PHPT1: variants seen among roughly 807,000 people sequenced by gnomAD.
The protein encoded by PHPT1 is phosphohistidine phosphatase 1, also known as 14 kDa phosphohistidine phosphatase.
PHPT1 carries 16 observed loss-of-function variants against 15.6 expected under a neutral mutation model. That is an observed-to-expected ratio of 1.03 (90% CI 0.70 to 1.56). The LOEUF (loss-of-function observed/expected upper bound fraction) is 1.56. Ranked by LOEUF, PHPT1 falls within the 40% of genes most tolerant of loss-of-function variation. The pLI is 0.00. For synonymous variants in PHPT1, 102 were observed against 68.1 expected (o/e 1.50, Z -2.45); for missense variants, 228 against 171.0 (o/e 1.33, Z -1.86).
In PHPT1 at chr9:136,850,152, C is replaced by G. The variant is rs768937037; in HGVS notation, c.285+15C>G. 4 of 1,612,868 alleles carry G rather than the reference C, an allele frequency of 2.5e-6. No homozygotes were observed. Among genetic ancestry groups the G allele is most frequent in the Non-Finnish European group, 3.4e-6 (4 of 1,179,830 alleles). ...GCTATTCCATGGTGAGCCGCAGCCCCGTCCCGCCCTGCCGGAGGCCCCAGT... is the reference window on the plus strand; with the variant it reads ...GCTATTCCATGGTGAGCCGCAGCCCGGTCCCGCCCTGCCGGAGGCCCCAGT... On this transcript the variant is annotated intron_variant, in intron 2 of 2. Transcript: ENST00000247665.
chr9:136,850,512 C>G lies in PHPT1; in HGVS notation c.286-243C>G, dbSNP rs1358207867. ...TCACAAAAACCACCAGCAGATGAGA[C>G]CCACGTGCGTCCCTCTGGGCGCCTC... On this transcript the variant is annotated intron_variant, in intron 2 of 2. Coordinates refer to ENST00000247665, the MANE Select transcript of PHPT1 (RefSeq NM_014172.6). The G allele has an allele frequency of 1.9e-6, 3 of 1,611,898 alleles. No homozygotes were observed. The South Asian group carries it at 3.3e-5, about 18-fold the overall frequency.
chr9:136,850,180 C>T lies in PHPT1; in HGVS notation c.285+43C>T. On this transcript the variant is annotated intron_variant, in intron 2 of 2. Coordinates refer to ENST00000247665, the MANE Select transcript of PHPT1 (RefSeq NM_014172.6). Reference sequence around the variant, plus strand: ...CCCGCCCTGCCGGAGGCCCCAGTACCAGCTTCGAGGCCCACCTGAGCCTGC... The same window carrying T: ...CCCGCCCTGCCGGAGGCCCCAGTACTAGCTTCGAGGCCCACCTGAGCCTGC... 3 of 1,611,908 alleles carry T rather than the reference C, an allele frequency of 1.9e-6. No individual in the cohort carries two copies. In the South Asian group the frequency reaches 3.3e-5, roughly 18 times the overall value.
chr9:136,850,490 C>G (rs1848885398), intron 2 of PHPT1: 1 of 1,610,228 alleles, frequency 6.2e-7, no homozygotes, highest in Non-Finnish European at 8.5e-7. Context: ...GTGCTCTTCA[C>G]AAAAACCACC....
intron 2 of PHPT1, 39 bp from the exon 3 acceptor site, chr9:136,850,716 G>A (rs754276559): frequency 2.6e-6 from 4 of 1,563,192 alleles, no homozygotes; most frequent in South Asian, 1.1e-5. Flanking sequence ...TCGGGTTGAA[G>A]GGTCCAGGTA....
chr9:136,850,096 CAG>C lies in PHPT1; in HGVS notation c.247_248del (p.Gln84GlyfsTer23), dbSNP rs749387376. 1.5e-4 allele frequency: 249 copies of C among 1,613,116 alleles called. 1 individual carries two copies. Among genetic ancestry groups the C allele is most frequent in the Admixed American group, 3.7e-4 (22 of 59,994 alleles). ...ECLGGGRISHQSQDKKIHVYG... is the reference protein window; with the variant it reads ...ECLGGGRISHXSQDKKIHVYG... ...TCTGGGCGGCGGGCGCATCTCCCAC[CAG>C]AGTCAGGACAAGAAGATTCACGTGT... On this transcript the variant is annotated frameshift_variant, in exon 2 of 3. Transcript: ENST00000247665. LOFTEE classifies it high-confidence loss of function.
At chr9:136,850,331 G>A (rs563299177) in intron 2 of PHPT1, 194 bp downstream of exon 2, 9 of 852,372 alleles carry the variant, frequency 1.1e-5, no homozygotes, top group East Asian at 2.7e-5. Context: ...CGCCAGACCT[G>A]AGGGGTGGGA....
Position 136,850,909 on chromosome 9 carries a change from C to A in PHPT1, c.*62C>A. 1 of 1,266,790 alleles carries A rather than the reference C, an allele frequency of 7.9e-7. No individual in the cohort carries two copies. Among genetic ancestry groups the A allele is most frequent in the Non-Finnish European group, 1.2e-6 (1 of 865,024 alleles). The allele number at this position is 1,266,790 out of a possible 1,614,324, so 78.5% of individuals were successfully genotyped here. ...ACTTCAGAGCCCCCGCCTTTGCCTG[C>A]ACTCCTCTTGCAGGGCTGGCCCTGC... is the stretch of plus-strand genomic sequence containing the variant. On this transcript the variant is annotated 3_prime_UTR_variant, in exon 3 of 3. Coordinates refer to ENST00000247665, the MANE Select transcript of PHPT1 (RefSeq NM_014172.6).
At chr9:136,850,649 T>C in intron 2 of PHPT1, 106 bp from the exon 3 acceptor site, 1 of 1,498,532 alleles carries the variant, frequency 6.7e-7, no homozygotes, top group Non-Finnish European at 9.3e-7. Flanking sequence ...GCACTGCCTA[T>C]CCCTTTCCCA....
At position 136,849,480 on chromosome 9, in the gene PHPT1, A is replaced by T; in HGVS notation, c.50A>T (p.Asp17Val). 1 of 1,611,150 alleles carries T rather than the reference A, an allele frequency of 6.2e-7. No homozygotes were observed. The change falls in exon 1 of 3, where the codon GAC becomes GTC. Residue 17 changes from aspartate to valine, a missense_variant. Physicochemically the swap from Asp to Val is radical, Grantham distance 152 (BLOSUM62 -3). Coordinates refer to ENST00000247665, the MANE Select transcript of PHPT1 (RefSeq NM_014172.6). ...ATTCCTGATGTGGACATCGACTCCG[A>T]CGGCGTCTTCAAGTATGTGCTGATC... Reference protein sequence around the residue: ...ALIPDVDIDSDGVFKYVLIRV... With the variant: ...ALIPDVDIDSVGVFKYVLIRV...
At chr9:136,850,488 C>T (rs1848885337) in intron 2 of PHPT1, 1 of 1,609,410 alleles carries the variant, frequency 6.2e-7, no homozygotes, top group African/African-American at 1.3e-5. Flanking sequence ...CTGTGCTCTT[C>T]ACAAAAACCA....
In PHPT1 at chr9:136,850,144, C is replaced by T. The variant is rs370583033; in HGVS notation, c.285+7C>T. On this transcript the variant is annotated splice_region_variant and intron_variant, in intron 2 of 2. Transcript: ENST00000247665. ...CGTGTACGGCTATTCCATGGTGAGC[C>T]GCAGCCCCGTCCCGCCCTGCCGGAG... 14 of 1,612,846 alleles carry T rather than the reference C, an allele frequency of 8.7e-6. No individual in the cohort carries two copies. The highest frequency in any genetic ancestry group is 5.3e-5 in the African/African-American group (4 of 74,924).
At chr9:136,849,733 G>T (rs1453696770) in intron 1 of PHPT1, 143 bp downstream of exon 1, 2 of 843,738 alleles carry the variant, frequency 2.4e-6, no homozygotes, top group Non-Finnish European at 3.4e-6. Flanking sequence ...ACTGCGCTCT[G>T]CTCCGAGTCC....
chr9:136,849,894 C>T (rs1048011002), intron 1 of PHPT1, 119 bp from the exon 2 acceptor site: 11 of 1,081,842 alleles, frequency 1.0e-5, no homozygotes, highest in South Asian at 5.9e-5. Flanking sequence ...CAAGGGGCTT[C>T]GTCTCTCCTG....
intron 2 of PHPT1, 68 bp downstream of exon 2, chr9:136,850,205 C>G: frequency 6.2e-7 from 1 of 1,600,014 alleles, no homozygotes; most frequent in Non-Finnish European, 8.5e-7. Flanking sequence ...CCTGAGCCTG[C>G]TGCCCTGACC....
rs1468275601 is a variant in PHPT1, at chr9:136,850,138, G to A, written c.285+1G>A. On this transcript the variant is annotated splice_donor_variant, in intron 2 of 2. Coordinates refer to ENST00000247665, the MANE Select transcript of PHPT1 (RefSeq NM_014172.6). LOFTEE classifies it high-confidence loss of function. The stretch of plus-strand genomic sequence containing the variant: ...GATTCACGTGTACGGCTATTCCATG[G>A]TGAGCCGCAGCCCCGTCCCGCCCTG... 6.2e-7 allele frequency: 1 copy of A among 1,613,008 alleles called. No individual in the cohort carries two copies. Among genetic ancestry groups the A allele is most frequent in the Non-Finnish European group, 8.5e-7 (1 of 1,179,882 alleles).
At chr9:136,850,232 C>G (rs756077692) in intron 2 of PHPT1, 95 bp downstream of exon 2, 22 of 1,531,810 alleles carry the variant, frequency 1.4e-5, no homozygotes, top group Non-Finnish European at 1.9e-5. Flanking sequence ...CCCAGCTGAG[C>G]ACGCAGGCTT....
At chr9:136,849,902 C>G in intron 1 of PHPT1, 111 bp from the exon 2 acceptor site, 1 of 1,166,586 alleles carries the variant, frequency 8.6e-7, no homozygotes, top group Non-Finnish European at 1.2e-6. Flanking sequence ...TTCGTCTCTC[C>G]TGGGGAAGGG....
intron 2 of PHPT1, 106 bp downstream of exon 2, chr9:136,850,243 C>T (rs1379992562): frequency 3.4e-6 from 5 of 1,476,388 alleles, no homozygotes; most frequent in Non-Finnish European, 4.7e-6. Flanking sequence ...ACGCAGGCTT[C>T]CTGGGGTTCT....
chr9:136,850,433 G>A, intron 2 of PHPT1: 1 of 1,377,790 alleles, frequency 7.3e-7, no homozygotes, highest in Non-Finnish European at 1.0e-6. Context: ...TGGGCCCTGG[G>A]CCCCCAGAGG....
Sources: allele counts gnomAD v4.1 joint callset, GRCh38; gene constraint gnomAD v4.1.1; transcripts MANE v1.5; gene names NCBI Gene and HGNC (gene_info 2026-07-23, HGNC 2026-07-21).